The following SUPT3H variants were observed in gnomAD, a reference collection of about 807,000 sequenced individuals.
SUPT3H encodes SPT3 homolog, SAGA and STAGA complex component, also known as transcription initiation protein SPT3 homolog.
A neutral mutation model predicts 44.3 loss-of-function variants in SUPT3H; 44 were observed. The observed-to-expected ratio is 0.99, with a 90% CI of 0.78 to 1.28. The LOEUF is 1.28. Ranked by LOEUF, SUPT3H falls within the 50% of genes most tolerant of loss-of-function variation. SUPT3H has a pLI of 0.00. For synonymous variants in SUPT3H, 124 were observed against 125.6 expected (o/e 0.99, Z 0.09); for missense variants, 380 against 387.1 (o/e 0.98, Z 0.15).
intron 3 of SUPT3H, among the ~76,000 whole-genome samples, chr6:45,071,752 GATC>G (rs1794419087): frequency 6.6e-6 from 1 of 152,114 alleles, no homozygotes; most frequent in African/African-American, 2.4e-5. Context: ...TGAGAAGGGA[GATC>G]ATGACTTTCT....
chr6:45,137,980 G>A (rs1444702152), intron 2 of SUPT3H, among the ~76,000 whole-genome samples: 3 of 152,010 alleles, frequency 2.0e-5, no homozygotes, highest in Admixed American at 6.6e-5. Context: ...TGAAGGACTT[G>A]TACTCAGAAT....
At chr6:45,216,512 G>C (rs780140149) in intron 2 of SUPT3H, among the ~76,000 whole-genome samples, 13 of 152,072 alleles carry the variant, frequency 8.5e-5, no homozygotes, top group Admixed American at 2.0e-4. Context: ...TAAATAAACT[G>C]AATAAATTAT....
chr6:45,050,052 C>A (rs182814616), intron 3 of SUPT3H, among the ~76,000 whole-genome samples: 1 of 152,092 alleles, frequency 6.6e-6, no homozygotes, highest in African/African-American at 2.4e-5. Flanking sequence ...ACAGGTAAAA[C>A]AGAGCTCCTT....
intron 1 of SUPT3H, among the ~76,000 whole-genome samples, chr6:45,367,892 T>G (rs1173279144): frequency 6.6e-6 from 1 of 152,220 alleles, no homozygotes; most frequent in African/African-American, 2.4e-5. Context: ...CATGATGAGC[T>G]GATAGGTCAT....
intron 9 of SUPT3H, among the ~76,000 whole-genome samples, chr6:44,952,327 T>C (rs568868185): frequency 2.0e-5 from 3 of 152,302 alleles, no homozygotes; most frequent in South Asian, 2.1e-4. Flanking sequence ...AATGTGTTTA[T>C]AGAAAAAGGG....
At chr6:44,882,688 C>T (rs150265350) in intron 10 of SUPT3H, among the ~76,000 whole-genome samples, 111 of 152,250 alleles carry the variant, frequency 7.3e-4, no homozygotes, top group African/African-American at 2.5e-3. Flanking sequence ...TTATCCACCA[C>T]GATCACGTTG....
chr6:44,956,185 G>A (rs900668861), intron 7 of SUPT3H, among the ~76,000 whole-genome samples: 3 of 142,978 alleles, frequency 2.1e-5, no homozygotes, highest in East Asian at 2.2e-4. Flanking sequence ...AAATAAATAC[G>A]TTTAAAAAAA....
At chr6:44,893,822 G>C (rs554064359) in intron 10 of SUPT3H, among the ~76,000 whole-genome samples, 5,639 of 139,324 alleles carry the variant, frequency 0.04, 134 homozygotes, top group Admixed American at 0.078. Flanking sequence ...GGTTGAACTA[G>C]TTTACAGTCC....
At chr6:44,968,964 C>T (rs1398390703) in intron 6 of SUPT3H, among the ~76,000 whole-genome samples, 2 of 152,146 alleles carry the variant, frequency 1.3e-5, no homozygotes, top group East Asian at 1.9e-4. Context: ...CCATGTACTG[C>T]TGCCACCCTG....
intron 1 of SUPT3H, chr6:45,377,371 T>C (rs1452523105): frequency 6.6e-6 from 1 of 151,870 alleles, no homozygotes; most frequent in South Asian, 2.1e-4. Context: ...ACTAACTACC[T>C]AACTCTTCTC....
chr6:44,952,302 T>C (rs912636055), intron 9 of SUPT3H, among the ~76,000 whole-genome samples: 1 of 152,242 alleles, frequency 6.6e-6, no homozygotes, highest in African/African-American at 2.4e-5. Flanking sequence ...TCTGAAACTG[T>C]AGGCAAAATT....
chr6:45,145,179 T>C (rs950862312), intron 2 of SUPT3H, among the ~76,000 whole-genome samples: 12 of 152,028 alleles, frequency 7.9e-5, no homozygotes, highest in African/African-American at 2.2e-4. Flanking sequence ...CTAAAATTCA[T>C]AGGGGACCAA....
At chr6:45,035,655 A>C (rs1206373354) in intron 3 of SUPT3H, among the ~76,000 whole-genome samples, 1 of 152,200 alleles carries the variant, frequency 6.6e-6, no homozygotes, top group African/African-American at 2.4e-5. Flanking sequence ...GGTATGAATT[A>C]GAAGGGAAAA....
chr6:45,279,176 A>G (rs1003773758), intron 2 of SUPT3H, among the ~76,000 whole-genome samples: 1 of 152,198 alleles, frequency 6.6e-6, no homozygotes, highest in Admixed American at 6.5e-5. Flanking sequence ...AAATCTTTTG[A>G]CCCAAAATGG....
At chr6:44,882,789 T>C (rs181480090) in intron 10 of SUPT3H, among the ~76,000 whole-genome samples, 5 of 152,138 alleles carry the variant, frequency 3.3e-5, no homozygotes, top group Non-Finnish European at 7.3e-5. Flanking sequence ...AAAAACCAAA[T>C]GATCATCTCA....
At chr6:44,826,336 T>TTCA (rs1214119294), downstream of SUPT3H, among the ~76,000 whole-genome samples, 3 of 152,162 alleles carry the variant, frequency 2.0e-5, no homozygotes, top group South Asian at 2.1e-4. Context: ...CATGTAAAGT[T>TTCA]TCATCTTGAG....
At chr6:45,167,442 G>C (rs79420590) in intron 2 of SUPT3H, among the ~76,000 whole-genome samples, 2,672 of 152,294 alleles carry the variant, frequency 0.018, 50 homozygotes, top group South Asian at 0.085. Context: ...GAGAGATTAA[G>C]ATGAAGTCAT....
intron 3 of SUPT3H, among the ~76,000 whole-genome samples, chr6:45,031,509 C>A (rs1786934772): frequency 6.6e-6 from 1 of 152,116 alleles, no homozygotes; most frequent in Non-Finnish European, 1.5e-5. Context: ...AATAATTTCT[C>A]ATGTAAAATT....
At chr6:45,062,665 G>A (rs1792345835) in intron 3 of SUPT3H, among the ~76,000 whole-genome samples, 2 of 152,230 alleles carry the variant, frequency 1.3e-5, no homozygotes, top group Admixed American at 1.3e-4. Flanking sequence ...CGAGGGGTCA[G>A]GAAGTTCCCT....
Sources: gnomAD v4.1 joint callset for allele counts (sites outside exome capture counted in the v4.1 genomes callset) on GRCh38, gnomAD v4.1.1 for gene constraint, MANE v1.5 for transcripts, NCBI Gene and HGNC (gene_info 2026-07-23, HGNC 2026-07-21) for gene names.